The following WDPCP variants were observed in gnomAD, a reference collection of about 807,000 sequenced individuals.
The protein encoded by WDPCP is WD repeat containing planar cell polarity effector, also known as WD repeat-containing and planar cell polarity effector protein fritz homolog.
A neutral mutation model predicts 93.1 loss-of-function variants in WDPCP; 71 were observed. That is an observed-to-expected ratio of 0.76 (90% CI 0.63 to 0.93). The LOEUF is 0.93. Among genes scored for constraint, WDPCP ranks in the 40% least tolerant of loss-of-function variants. The probability of loss-of-function intolerance (pLI) is 0.00; values close to 1 mark genes in which losing one functional copy is unlikely to be tolerated. For synonymous variants in WDPCP, 315 were observed against 315.0 expected (o/e 1.00, Z 0.00); for missense variants, 844 against 887.4 (o/e 0.95, Z 0.62).
At chr2:63,160,126 A>G (rs1672546119) in intron 15 of WDPCP, among the ~76,000 whole-genome samples, 1 of 152,100 alleles carries the variant, frequency 6.6e-6, no homozygotes, top group African/African-American at 2.4e-5. Context: ...AGACTCCCCA[A>G]ACAGCTGCTC....
At chr2:63,689,620 G>T (rs1668862954) in intron 2 of WDPCP, among the ~76,000 whole-genome samples, 2 of 152,114 alleles carry the variant, frequency 1.3e-5, no homozygotes, top group African/African-American at 4.8e-5. Flanking sequence ...GCCTGTTGGG[G>T]GTTAACCTTA....
intron 2 of WDPCP, among the ~76,000 whole-genome samples, chr2:63,780,736 T>C (rs1204451750): frequency 6.6e-6 from 1 of 152,208 alleles, no homozygotes; most frequent in Non-Finnish European, 1.5e-5. Context: ...TCTTTCTTTG[T>C]TTCCTAGCAG....
At chr2:63,530,270 C>G (rs1353650038) in intron 1 of WDPCP, among the ~76,000 whole-genome samples, 1 of 152,124 alleles carries the variant, frequency 6.6e-6, no homozygotes, top group Non-Finnish European at 1.5e-5. Context: ...TCTTGCTTCT[C>G]TAGTTCTTTT....
At chr2:63,375,497 A>G (rs974884131) in intron 12 of WDPCP, among the ~76,000 whole-genome samples, 2 of 151,890 alleles carry the variant, frequency 1.3e-5, no homozygotes, top group African/African-American at 4.8e-5. Context: ...CTTAATTTAC[A>G]TTTCTAGGGA....
chr2:63,536,914 C>T (rs1704326150), intron 1 of WDPCP, among the ~76,000 whole-genome samples: 2 of 151,650 alleles, frequency 1.3e-5, no homozygotes, highest in South Asian at 2.1e-4. Flanking sequence ...TACAGGCATG[C>T]ACCCCCACAC....
chr2:63,301,456 C>T (rs562960544), intron 13 of WDPCP, among the ~76,000 whole-genome samples: 1 of 152,294 alleles, frequency 6.6e-6, no homozygotes, highest in South Asian at 2.1e-4. Flanking sequence ...ATATAAAGTT[C>T]AATCTAGCAT....
the WDPCP span, among the ~76,000 whole-genome samples, chr2:63,834,198 C>T: frequency 6.6e-6 from 1 of 152,186 alleles, no homozygotes; most frequent in Non-Finnish European, 1.5e-5. Flanking sequence ...TATCAAACAG[C>T]TGAACGTCTC....
chr2:63,607,077 A>C, intron 3 of WDPCP: 1 of 1,287,332 alleles, frequency 7.8e-7, no homozygotes, highest in Non-Finnish European at 1.1e-6. Flanking sequence ...TGCTATACTT[A>C]AATTACTTGT....
At chr2:63,573,082 TA>T (rs1186807246) in intron 1 of WDPCP, among the ~76,000 whole-genome samples, 4 of 151,654 alleles carry the variant, frequency 2.6e-5, no homozygotes, top group Non-Finnish European at 5.9e-5. Context: ...CCCTGTCTCT[TA>T]AAAAAAATAA....
chr2:63,499,636 GA>G (rs1701424354), intron 1 of WDPCP, among the ~76,000 whole-genome samples: 1 of 152,188 alleles, frequency 6.6e-6, no homozygotes, highest in Admixed American at 6.6e-5. Flanking sequence ...TATAACAAAA[GA>G]AAGGGATGTA....
At chr2:63,216,783 A>T (rs190890957) in intron 14 of WDPCP, among the ~76,000 whole-genome samples, 12 of 152,216 alleles carry the variant, frequency 7.9e-5, no homozygotes, top group Middle Eastern at 6.8e-3. Context: ...TTTTTCCTAA[A>T]AATTTATTAG....
intron 2 of WDPCP, among the ~76,000 whole-genome samples, chr2:63,720,532 G>A (rs1255548695): frequency 1.3e-5 from 2 of 152,012 alleles, no homozygotes; most frequent in East Asian, 3.8e-4. Context: ...ATTAAGAGCT[G>A]CCATGGCTTA....
At chr2:63,560,103 A>T (rs1484171947) in intron 1 of WDPCP, among the ~76,000 whole-genome samples, 1 of 151,198 alleles carries the variant, frequency 6.6e-6, no homozygotes, top group Non-Finnish European at 1.5e-5. Flanking sequence ...CATGCCTGTA[A>T]TCCCAGCTAT....
chr2:63,628,462 C>CTTAAAATAGTTTCTA (rs1709832851), intron 3 of WDPCP, among the ~76,000 whole-genome samples: 4 of 152,112 alleles, frequency 2.6e-5, no homozygotes, highest in African/African-American at 7.2e-5. Context: ...ACAGAAACCA[C>CTTAAAATAGTTTCTA]AACAGAGCTA....
chr2:63,451,996 G>T (rs1698283989), intron 6 of WDPCP, among the ~76,000 whole-genome samples: 1 of 152,160 alleles, frequency 6.6e-6, no homozygotes, highest in Non-Finnish European at 1.5e-5. Flanking sequence ...TACTGAATGG[G>T]CAAAAACGGG....
At position 63,441,475 on chromosome 2, in the gene WDPCP, T is replaced by C. The variant is rs1176801652; in HGVS notation, c.385-1604A>G. 3 of 151,852 alleles carry C rather than the reference T, an allele frequency of 2.0e-5. No homozygotes were observed. In the East Asian group the frequency reaches 5.8e-4, roughly 29 times the overall value. 9.4% of individuals were successfully genotyped at this position (151,852 alleles called of 1,614,324 possible). ...CTACTAAAGCTTTACACCTATACTC[T>C]TAAGCACTTCTTTTCCTAATTACTC... On this transcript the variant is annotated intron_variant, in intron 6 of 17. Coordinates refer to ENST00000272321, the MANE Select transcript of WDPCP (RefSeq NM_015910.7).
intron 17 of WDPCP, among the ~76,000 whole-genome samples, chr2:63,127,576 T>C (rs1669999866): frequency 6.6e-6 from 1 of 151,160 alleles, no homozygotes; most frequent in Non-Finnish European, 1.5e-5. Context: ...ATTGCTACTT[T>C]ATCATTTTTA....
chr2:63,201,298 C>T (rs1432052848), intron 14 of WDPCP, among the ~76,000 whole-genome samples: 1 of 152,124 alleles, frequency 6.6e-6, no homozygotes, highest in Non-Finnish European at 1.5e-5. Context: ...AACTGTGAGT[C>T]AATTAAACCT....
chr2:63,579,029 T>A (rs1269429606), intron 1 of WDPCP, among the ~76,000 whole-genome samples: 2 of 152,296 alleles, frequency 1.3e-5, no homozygotes, highest in South Asian at 2.1e-4. Flanking sequence ...TAGCATCCTA[T>A]GACAAAGCAT....
Sources: allele counts gnomAD v4.1 joint callset (sites outside exome capture counted in the v4.1 genomes callset), GRCh38; gene constraint gnomAD v4.1.1; transcripts MANE v1.5; gene names NCBI Gene and HGNC (gene_info 2026-07-23, HGNC 2026-07-21).